ZNF43: variants seen among roughly 807,000 people sequenced by gnomAD.
ZNF43 encodes the protein zinc finger protein 43, also known as zinc finger protein 39-like 1 (KOX 27).
A neutral mutation model predicts 68.4 loss-of-function variants in ZNF43; 44 were observed. The ratio of observed to expected loss-of-function variants is 0.64; its 90% CI spans 0.51 to 0.83. The LOEUF (loss-of-function observed/expected upper bound fraction) is 0.83. Among genes scored for constraint, ZNF43 ranks in the 40% least tolerant of loss-of-function variants. The probability of loss-of-function intolerance (pLI) is 0.00; values close to 1 mark genes in which losing one functional copy is unlikely to be tolerated. For missense variants in ZNF43, 896 were observed against 933.2 expected, an observed-to-expected ratio of 0.96 and a Z score of 0.52; for synonymous variants, 308 against 307.8, an observed-to-expected ratio of 1.00 and a Z score of -0.01.
chr19:21,827,192 T>C (rs1032880692), intron 1 of ZNF43: 75 of 152,196 alleles, frequency 4.9e-4, no homozygotes, highest in African/African-American at 1.8e-3. Context: ...CTAAGGTTTC[T>C]CTTCCATGTC....
intron 3 of ZNF43, among the ~76,000 whole-genome samples, 189 bp from the exon 4 acceptor site, chr19:21,809,996 A>G (rs1380543026): frequency 1.3e-5 from 2 of 152,190 alleles, no homozygotes; most frequent in African/African-American, 2.4e-5. Flanking sequence ...AAATTTACAA[A>G]TAAGTGTGTG....
intron 1 of ZNF43, among the ~76,000 whole-genome samples, chr19:21,823,933 C>A (rs1353563581): frequency 6.6e-6 from 1 of 152,008 alleles, no homozygotes; most frequent in Non-Finnish European, 1.5e-5. Context: ...GAATGTAATC[C>A]CAGCATTTGG....
At chr19:21,825,620 T>C (rs926378612) in intron 1 of ZNF43, among the ~76,000 whole-genome samples, 3 of 152,138 alleles carry the variant, frequency 2.0e-5, no homozygotes, top group African/African-American at 7.2e-5. Flanking sequence ...CTACACAGTT[T>C]AGGGCATTTT....
intron 3 of ZNF43, among the ~76,000 whole-genome samples, chr19:21,813,445 C>A (rs1194056343): frequency 6.6e-6 from 1 of 151,896 alleles, no homozygotes; most frequent in African/African-American, 2.4e-5. Flanking sequence ...ATAAATACAT[C>A]AAAAAATTAA....
At chr19:21,810,255 G>T (rs2037212556) in intron 3 of ZNF43, among the ~76,000 whole-genome samples, 1 of 152,152 alleles carries the variant, frequency 6.6e-6, no homozygotes, top group Non-Finnish European at 1.5e-5. Context: ...TTTCTGGTGA[G>T]GGTCTCAGGA....
chr19:21,850,171 A>G (rs1299189432), intron 1 of ZNF43, among the ~76,000 whole-genome samples: 3 of 152,308 alleles, frequency 2.0e-5, no homozygotes, highest in Admixed American at 2.0e-4. Context: ...TCTAGTGATA[A>G]GTCAAAATTT....
chr19:21,814,562 AC>A (rs2037431887), intron 3 of ZNF43, among the ~76,000 whole-genome samples: 1 of 151,890 alleles, frequency 6.6e-6, no homozygotes, highest in African/African-American at 2.4e-5. Flanking sequence ...GGTGCGTACC[AC>A]TATGCCCGGC....
At chr19:21,826,960 A>C (rs2038161005) in intron 1 of ZNF43, 1 of 153,020 alleles carries the variant, frequency 6.5e-6, no homozygotes, top group Admixed American at 6.6e-5. Context: ...CACCCAAAGC[A>C]TTAGAAAGAA....
At chr19:21,833,663 C>T (rs1028405150) in intron 1 of ZNF43, among the ~76,000 whole-genome samples, 6 of 151,580 alleles carry the variant, frequency 4.0e-5, no homozygotes, top group African/African-American at 1.5e-4. Context: ...ACAAAAACAA[C>T]AAAATGAAGT....
chr19:21,841,477 CAGGCA>C (rs1334909753), intron 1 of ZNF43: 3 of 152,252 alleles, frequency 2.0e-5, no homozygotes, highest in African/African-American at 7.2e-5. Context: ...ATTCTCTCTG[CAGGCA>C]AGGCCTGGGC....
At chr19:21,841,643 G>A (rs975815749) in intron 1 of ZNF43, 6 of 152,236 alleles carry the variant, frequency 3.9e-5, no homozygotes, top group African/African-American at 1.4e-4. Flanking sequence ...GCCCAGGCAA[G>A]AGCTCTTTAC....
At chr19:21,852,036 G>A (rs1968412457) in exon 1 of ZNF43, 2 of 1,327,862 alleles carry the variant, frequency 1.5e-6, no homozygotes, top group Non-Finnish European at 2.0e-6. Context: ...AAGCAGAGGC[G>A]GGTCCCAAGG....
intron 1 of ZNF43, among the ~76,000 whole-genome samples, chr19:21,829,093 T>C (rs570932717): frequency 7.1e-6 from 1 of 141,660 alleles, no homozygotes; most frequent in Non-Finnish European, 1.5e-5. Context: ...CACGTGCCTG[T>C]AGTCCCAGCT....
upstream of ZNF43, among the ~76,000 whole-genome samples, chr19:21,838,530 G>C (rs1967279756): frequency 6.6e-6 from 1 of 151,906 alleles, no homozygotes; most frequent in Admixed American, 6.6e-5. Context: ...CTCCCGAGTA[G>C]CTGGGATTAC....
At chr19:21,816,675 C>T (rs1364360220) in intron 3 of ZNF43, among the ~76,000 whole-genome samples, 1 of 152,132 alleles carries the variant, frequency 6.6e-6, no homozygotes, top group African/African-American at 2.4e-5. Flanking sequence ...CTCCCTGAGC[C>T]ATGGTTTATG....
intron 1 of ZNF43, among the ~76,000 whole-genome samples, chr19:21,833,096 T>C (rs1047466187): frequency 2.0e-5 from 3 of 152,194 alleles, no homozygotes; most frequent in African/African-American, 4.8e-5. Context: ...AATGTATTAA[T>C]TTTGTACAGC....
At chr19:21,838,681 T>C (rs1483560249), upstream of ZNF43, among the ~76,000 whole-genome samples, 2 of 152,080 alleles carry the variant, frequency 1.3e-5, no homozygotes, top group Non-Finnish European at 2.9e-5. Context: ...ATTACAGGAG[T>C]AAGCCACCGC....
intron 3 of ZNF43, chr19:21,812,111 T>C (rs1019157122): frequency 6.0e-5 from 24 of 396,862 alleles, no homozygotes; most frequent in African/African-American, 4.5e-4. Context: ...TTAATATTCA[T>C]AATATACAAA....
At chr19:21,846,054 C>T (rs545654797) in intron 1 of ZNF43, among the ~76,000 whole-genome samples, 3 of 151,932 alleles carry the variant, frequency 2.0e-5, no homozygotes, top group South Asian at 4.2e-4. Flanking sequence ...TCACAATACC[C>T]GGATAAGGAG....
Sources: gnomAD v4.1 joint callset for allele counts (sites outside exome capture counted in the v4.1 genomes callset) on GRCh38, gnomAD v4.1.1 for gene constraint, MANE v1.5 for transcripts, NCBI Gene and HGNC (gene_info 2026-07-23, HGNC 2026-07-21) for gene names.